MBOAT1: variants seen among roughly 807,000 people sequenced by gnomAD.
The protein encoded by MBOAT1 is membrane-bound glycerophospholipid O-acyltransferase 1.
A neutral mutation model predicts 64.4 loss-of-function variants in MBOAT1; 67 were observed. The ratio of observed to expected loss-of-function variants is 1.04; its 90% CI spans 0.85 to 1.27. MBOAT1 has a LOEUF of 1.27. Among genes scored for constraint, MBOAT1 ranks in the 50% most tolerant of loss-of-function variants. The pLI, the probability that MBOAT1 is intolerant of heterozygous loss-of-function variation, is 0.00. For missense variants in MBOAT1, 563 were observed against 604.6 expected (o/e 0.93, Z 0.72); for synonymous variants, 229 against 218.9 (o/e 1.05, Z -0.41).
intron 1 of MBOAT1, among the ~76,000 whole-genome samples, chr6:20,196,787 G>A (rs1762967354): frequency 1.3e-5 from 2 of 152,030 alleles, no homozygotes; most frequent in South Asian, 4.1e-4. Flanking sequence ...CTTGAACCCA[G>A]GAGGTGGAGG....
intron 1 of MBOAT1, among the ~76,000 whole-genome samples, chr6:20,163,209 C>T (rs780002060): frequency 9.2e-5 from 14 of 152,072 alleles, no homozygotes; most frequent in Non-Finnish European, 1.9e-4. Context: ...CCTTATAATC[C>T]TTGGCCCAGC....
intron 12 of MBOAT1, among the ~76,000 whole-genome samples, chr6:20,107,864 T>C (rs1760006987): frequency 1.3e-5 from 2 of 151,530 alleles, no homozygotes; most frequent in Admixed American, 6.6e-5. Flanking sequence ...AACAGAGCTT[T>C]AAAGGAGACA....
At chr6:20,157,120 C>A (rs1761713197) in intron 1 of MBOAT1, among the ~76,000 whole-genome samples, 1 of 151,490 alleles carries the variant, frequency 6.6e-6, no homozygotes, top group Non-Finnish European at 1.5e-5. Context: ...CCCATCCACC[C>A]AAAAAAATAA....
At chr6:20,166,773 A>G (rs1762026343) in intron 1 of MBOAT1, among the ~76,000 whole-genome samples, 1 of 152,022 alleles carries the variant, frequency 6.6e-6, no homozygotes, top group East Asian at 1.9e-4. Flanking sequence ...CCTCATCTCC[A>G]TGAAAAATTT....
chr6:20,171,297 G>A (rs968685187), intron 1 of MBOAT1, among the ~76,000 whole-genome samples: 2 of 151,758 alleles, frequency 1.3e-5, no homozygotes, highest in Non-Finnish European at 2.9e-5. Flanking sequence ...AGCACTTTGG[G>A]AGGCCAAGGC....
chr6:20,168,561 G>A (rs1181925550), intron 1 of MBOAT1, among the ~76,000 whole-genome samples: 1 of 116,230 alleles, frequency 8.6e-6, no homozygotes. Flanking sequence ...AACAGAGAAA[G>A]AGAAAGAGAG....
intron 4 of MBOAT1, among the ~76,000 whole-genome samples, chr6:20,135,364 A>T (rs190086845): frequency 9.2e-5 from 14 of 152,294 alleles, no homozygotes; most frequent in Non-Finnish European, 1.9e-4. Flanking sequence ...GAAAGCTAGA[A>T]CAATGCCAGC....
intron 1 of MBOAT1, among the ~76,000 whole-genome samples, chr6:20,174,754 G>A (rs1762294058): frequency 6.6e-6 from 1 of 152,180 alleles, no homozygotes; most frequent in Non-Finnish European, 1.5e-5. Context: ...GTCCTTCATA[G>A]ACCAAAACGT....
At chr6:20,109,844 G>T in intron 11 of MBOAT1, 95 bp from the exon 12 acceptor site, 3 of 1,276,808 alleles carry the variant, frequency 2.3e-6, no homozygotes, top group South Asian at 3.4e-5. Context: ...ACAGGAACAT[G>T]GGCTACAGAA....
intron 1 of MBOAT1, among the ~76,000 whole-genome samples, chr6:20,177,317 C>T (rs761067556): frequency 7.9e-5 from 12 of 152,176 alleles, no homozygotes; most frequent in African/African-American, 2.9e-4. Context: ...TCCGCAGATA[C>T]GGACAATAAA....
At position 20,100,885 on chromosome 6, in the gene MBOAT1, T is replaced by C. The variant is rs192720389; in HGVS notation, c.*1401A>G. Among the ~76,000 whole-genome samples the C allele has an allele frequency of 1.5e-3, 234 of 152,250 alleles. No individual in the cohort carries two copies. Among genetic ancestry groups the C allele is most frequent in the Non-Finnish European group, 2.8e-3 (191 of 68,022 alleles). ...TAATACCAAGTTTCCTTCTCTCACA[T>C]AGAATATTACCCAATAGAAGTCTCC... On this transcript the variant is annotated 3_prime_UTR_variant, in exon 13 of 13. Transcript: ENST00000324607.
chr6:20,125,226 C>T (rs1760616398), intron 7 of MBOAT1, among the ~76,000 whole-genome samples: 1 of 152,124 alleles, frequency 6.6e-6, no homozygotes, highest in Admixed American at 6.5e-5. Context: ...GAATGTCCTT[C>T]AACATTCAAC....
At chr6:20,211,668 G>GC (rs372868375) in intron 1 of MBOAT1, among the ~76,000 whole-genome samples, 127 of 152,200 alleles carry the variant, frequency 8.3e-4, no homozygotes, top group Middle Eastern at 3.4e-3. Flanking sequence ...CCCTGAACAA[G>GC]CCTCGCCTCA....
In MBOAT1 at chr6:20,207,892, A is replaced by C. The variant is rs571373971; in HGVS notation, c.99+4244T>G. Among the ~76,000 whole-genome samples, 3 of 152,340 alleles carry C rather than the reference A, an allele frequency of 2.0e-5. No homozygotes were observed. The East Asian group carries it at 5.8e-4, about 29-fold the overall frequency. On this transcript the variant is annotated intron_variant, in intron 1 of 12. Coordinates refer to ENST00000324607, the MANE Select transcript of MBOAT1 (RefSeq NM_001080480.3). ...GAGCATACACAGCCTATATACTTAC[A>C]TGGGCCTTTTGTTTCCTCTAGAGTA...
At chr6:20,157,702 AG>A (rs1465146050) in intron 1 of MBOAT1, among the ~76,000 whole-genome samples, 1 of 152,134 alleles carries the variant, frequency 6.6e-6, no homozygotes, top group African/African-American at 2.4e-5. Flanking sequence ...AATAAAGTTT[AG>A]GGAGGAGCTG....
At chr6:20,160,426 A>C (rs1333944564) in intron 1 of MBOAT1, among the ~76,000 whole-genome samples, 2 of 152,218 alleles carry the variant, frequency 1.3e-5, no homozygotes, top group African/African-American at 2.4e-5. Flanking sequence ...GCAACTGTCC[A>C]GGCCTGGAAT....
At chr6:20,133,296 C>G (rs1362145684) in intron 4 of MBOAT1, among the ~76,000 whole-genome samples, 2 of 152,190 alleles carry the variant, frequency 1.3e-5, no homozygotes, top group Non-Finnish European at 2.9e-5. Flanking sequence ...CCATTTACAC[C>G]ATGCTCTTTT....
chr6:20,126,498 C>G lies in MBOAT1; in HGVS notation c.714+19G>C, dbSNP rs1472203389. ...AACCCTGGCAGCAAAACCCTATTCT[C>G]TAGACACTAAAAACTTACTGTGGGA... On this transcript the variant is annotated intron_variant, in intron 7 of 12. Transcript: ENST00000324607. 1 of 1,598,342 alleles carries G rather than the reference C, an allele frequency of 6.3e-7. No homozygotes were observed. The highest frequency in any genetic ancestry group is 8.5e-7 in the Non-Finnish European group (1 of 1,175,334).
At chr6:20,148,252 A>G (rs1343083530) in intron 3 of MBOAT1, among the ~76,000 whole-genome samples, 1 of 152,170 alleles carries the variant, frequency 6.6e-6, no homozygotes, top group Non-Finnish European at 1.5e-5. Context: ...CCCTGTCTCT[A>G]CTAAAATTAT....
Sources: allele counts gnomAD v4.1 joint callset (sites outside exome capture counted in the v4.1 genomes callset), GRCh38; gene constraint gnomAD v4.1.1; transcripts MANE v1.5; gene names NCBI Gene and HGNC (gene_info 2026-07-23, HGNC 2026-07-21).